The following CYP7B1 variants were observed in gnomAD, a reference collection of about 807,000 sequenced individuals.
CYP7B1 encodes the protein cytochrome P450 family 7 subfamily B member 1, also known as cytochrome P450 7B1.
A neutral mutation model predicts 42.7 loss-of-function variants in CYP7B1; 29 were observed. The ratio of observed to expected loss-of-function variants is 0.68; its 90% CI spans 0.51 to 0.93. The LOEUF (loss-of-function observed/expected upper bound fraction) is 0.93, where lower values mean the gene tolerates loss of function less well. Among genes scored for constraint, CYP7B1 ranks in the 40% least tolerant of loss-of-function variants. The pLI, the probability that CYP7B1 is intolerant of heterozygous loss-of-function variation, is 0.00. For missense variants in CYP7B1, 655 were observed against 600.5 expected (o/e 1.09, Z -0.95); for synonymous variants, 235 against 218.2 (o/e 1.08, Z -0.68).
chr8:64,688,925 CA>C (rs1004775845), intron 1 of CYP7B1, among the ~76,000 whole-genome samples: 1 of 151,656 alleles, frequency 6.6e-6, no homozygotes, highest in Non-Finnish European at 1.5e-5. Context: ...GACCCCATCT[CA>C]AAAATATAAA....
intron 1 of CYP7B1, among the ~76,000 whole-genome samples, chr8:64,630,283 G>A (rs1250378646): frequency 6.6e-6 from 1 of 152,198 alleles, no homozygotes; most frequent in Non-Finnish European, 1.5e-5. Flanking sequence ...CAGGGCTCAA[G>A]AGAAATTTGA....
chr8:64,645,927 G>C (rs148077127), intron 1 of CYP7B1, among the ~76,000 whole-genome samples: 7,968 of 152,032 alleles, frequency 0.052, 780 homozygotes, highest in African/African-American at 0.18. Flanking sequence ...TGACAAACCT[G>C]AGGAAAAAAA....
In CYP7B1 at chr8:64,616,144, C is replaced by A; in HGVS notation, c.397G>T (p.Asp133Tyr). 1 of 1,613,536 alleles carries A rather than the reference C, an allele frequency of 6.2e-7. No individual in the cohort carries two copies. ...FSISQLQKNH[D>Y]MNDELHLCYQ... Reference sequence around the variant, plus strand: ...CAGAGGTGAAGCTCATCATTCATGTCATGATTTTTTTGCAACTGACTGATG... The same window carrying A: ...CAGAGGTGAAGCTCATCATTCATGTAATGATTTTTTTGCAACTGACTGATG... The change falls in exon 3 of 6, where the codon GAC becomes TAC. Residue 133 changes from aspartate (D) to tyrosine (Y), a missense_variant. Asp to Tyr is a radical substitution (Grantham distance 160). Coordinates refer to ENST00000310193, the MANE Select transcript of CYP7B1 (RefSeq NM_004820.5).
At position 64,655,392 on chromosome 8, in the gene CYP7B1, T is replaced by C. The variant is rs535605436; in HGVS notation, c.123-30853A>G. Among the ~76,000 whole-genome samples, 7 of 152,166 alleles carry C rather than the reference T, an allele frequency of 4.6e-5. No homozygotes were observed. In the East Asian group the frequency reaches 1.4e-3, roughly 29 times the overall value. The stretch of plus-strand genomic sequence containing the variant: ...AACAGACACTTTGCAAAAGAAGACA[T>C]ACATGTGGCCAACAAGCGTATGAAA... On this transcript the variant is annotated intron_variant, in intron 1 of 5. Transcript: ENST00000310193.
intron 1 of CYP7B1, among the ~76,000 whole-genome samples, chr8:64,699,000 A>G (rs1323715876): frequency 6.6e-6 from 1 of 152,192 alleles, no homozygotes. Flanking sequence ...TTTAAATTTC[A>G]GCCATCATAC....
intron 1 of CYP7B1, among the ~76,000 whole-genome samples, chr8:64,705,524 A>G (rs975587967): frequency 2.0e-5 from 3 of 152,008 alleles, no homozygotes; most frequent in African/African-American, 7.2e-5. Context: ...TGCCAAAAAA[A>G]AAAAATCTCA....
chr8:64,707,900 T>C (rs1807023963), intron 1 of CYP7B1, among the ~76,000 whole-genome samples: 1 of 152,146 alleles, frequency 6.6e-6, no homozygotes, highest in South Asian at 2.1e-4. Context: ...TACACTGGCA[T>C]ATGATGGGCA....
rs1326352561 is a variant in CYP7B1, at chr8:64,591,974, G to A, written c.*4668C>T. Among the ~76,000 whole-genome samples, 2 of 152,108 alleles carry A rather than the reference G, an allele frequency of 1.3e-5. No homozygotes were observed. The highest frequency in any genetic ancestry group is 2.9e-5 in the Non-Finnish European group (2 of 68,030). Reference sequence around the variant, plus strand: ...AGTCCGAGGCGGGTGGATCACCTGAGGTCTGGAGTTCGAGACCAGCCTGAT... The same window carrying A: ...AGTCCGAGGCGGGTGGATCACCTGAAGTCTGGAGTTCGAGACCAGCCTGAT... On this transcript the variant is annotated 3_prime_UTR_variant, in exon 6 of 6. Transcript: ENST00000310193.
chr8:64,798,447 T>A lies in CYP7B1; in HGVS notation c.122+19A>T, dbSNP rs7842714. The A allele has an allele frequency of 0.46, 699,807 of 1,505,532 alleles. 169,180 individuals carry two copies. The highest frequency in any genetic ancestry group is 0.49 in the Non-Finnish European group (553,715 of 1,135,778). The allele number at this position is 1,505,532 out of a possible 1,614,324, so 93.3% of individuals were successfully genotyped here. On this transcript the variant is annotated intron_variant, in intron 1 of 5. Transcript: ENST00000310193. ...CGGGGCCCAGGGCGCATGCGTGGCC[T>A]GGCGGCCGAGGCGCTTACCTGGTGC...
At chr8:64,758,364 G>C (rs772036563) in intron 1 of CYP7B1, among the ~76,000 whole-genome samples, 3 of 152,252 alleles carry the variant, frequency 2.0e-5, no homozygotes, top group Non-Finnish European at 2.9e-5. Context: ...TAATCCTTAA[G>C]ATAAAATTCA....
Position 64,624,423 on chromosome 8 carries a change from G to T in CYP7B1, c.239C>A (p.Thr80Asn), listed in dbSNP as rs1247228917. The T allele has an allele frequency of 6.2e-7, 1 of 1,613,744 alleles. No individual in the cohort carries two copies. The highest frequency in any genetic ancestry group is 8.5e-7 in the Non-Finnish European group (1 of 1,179,926). Residue 80 changes from threonine to asparagine, a missense_variant, in exon 2 of 6, where the codon ACT becomes AAT. Transcript: ENST00000310193. ...MKTLQKQHGD[T>N]FTVLLGGKYI... is the part of the protein sequence containing the mutation. Reference sequence around the variant, plus strand: ...CTTACCACCAAGAAGAACTGTGAAAGTGTCACCATGTTGCTTTTGAAGTGT... The same window carrying T: ...CTTACCACCAAGAAGAACTGTGAAATTGTCACCATGTTGCTTTTGAAGTGT...
At position 64,595,256 on chromosome 8, in the gene CYP7B1, C is replaced by G. The variant is rs570201080; in HGVS notation, c.*1386G>C. 6.6e-6 allele frequency among the ~76,000 whole-genome samples: 1 copy of G among 152,318 alleles called. No individual in the cohort carries two copies. Among genetic ancestry groups the G allele is most frequent in the Non-Finnish European group, 1.5e-5 (1 of 68,022 alleles). On this transcript the variant is annotated 3_prime_UTR_variant, in exon 6 of 6. Coordinates refer to ENST00000310193, the MANE Select transcript of CYP7B1 (RefSeq NM_004820.5). ...ACTGAAGGAACATTCAGAACATGTA[C>G]TTCAGGAAGGATAAAATAAATGCTA...
At chr8:64,722,747 G>GC (rs1200590459) in intron 1 of CYP7B1, among the ~76,000 whole-genome samples, 9 of 107,960 alleles carry the variant, frequency 8.3e-5, no homozygotes, top group East Asian at 3.3e-4. Context: ...TTGCGGCGGG[G>GC]GGGGGGGGGC....
intron 1 of CYP7B1, among the ~76,000 whole-genome samples, chr8:64,784,469 A>G (rs1030164219): frequency 6.6e-6 from 1 of 152,200 alleles, no homozygotes; most frequent in African/African-American, 2.4e-5. Flanking sequence ...TTTAGGTAAC[A>G]ACTCAACAGT....
chr8:64,769,424 A>C (rs1160036438), intron 1 of CYP7B1, among the ~76,000 whole-genome samples: 1 of 152,198 alleles, frequency 6.6e-6, no homozygotes, highest in Non-Finnish European at 1.5e-5. Context: ...TTAGAAAAAA[A>C]ATAAAGTCTA....
chr8:64,690,999 G>C (rs1170361176), intron 1 of CYP7B1, among the ~76,000 whole-genome samples: 1 of 152,194 alleles, frequency 6.6e-6, no homozygotes, highest in Admixed American at 6.5e-5. Context: ...GAGCAATTCT[G>C]TTCTATAACG....
intron 1 of CYP7B1, among the ~76,000 whole-genome samples, chr8:64,674,696 A>G (rs1397650627): frequency 6.6e-6 from 1 of 152,124 alleles, no homozygotes; most frequent in Non-Finnish European, 1.5e-5. Context: ...AGAGTCTTTC[A>G]GGGGCACCTA....
At chr8:64,616,512 T>C (rs189044482) in intron 2 of CYP7B1, among the ~76,000 whole-genome samples, 1 of 152,266 alleles carries the variant, frequency 6.6e-6, no homozygotes, top group Non-Finnish European at 1.5e-5. Context: ...TTACTAACCT[T>C]TGCAAAGATG....
intron 1 of CYP7B1, among the ~76,000 whole-genome samples, chr8:64,691,544 T>C (rs751794652): frequency 2.4e-4 from 36 of 151,056 alleles, no homozygotes; most frequent in Non-Finnish European, 4.9e-4. Context: ...TTTTCAACTG[T>C]AAATGCAATA....
Sources: allele counts gnomAD v4.1 joint callset (sites outside exome capture counted in the v4.1 genomes callset), GRCh38; gene constraint gnomAD v4.1.1; transcripts MANE v1.5; gene names NCBI Gene and HGNC (gene_info 2026-07-23, HGNC 2026-07-21).